The following ADAMTSL3 variants were observed in gnomAD, a reference collection of about 807,000 sequenced individuals.
The protein encoded by ADAMTSL3 is ADAMTS like 3, also known as ADAMTS-like protein 3.
In ADAMTSL3, 128 loss-of-function variants were observed where a neutral mutation model predicts 201.7. The observed-to-expected ratio is 0.63, with a 90% CI of 0.55 to 0.73. The LOEUF is 0.73. Among genes scored for constraint, ADAMTSL3 ranks in the 30% least tolerant of loss-of-function variants. ADAMTSL3 has a pLI of 0.00. For missense variants in ADAMTSL3, 1,990 were observed against 2,119.6 expected (o/e 0.94, Z 1.20); for synonymous variants, 738 against 748.4 (o/e 0.99, Z 0.23).
intron 23 of ADAMTSL3, among the ~76,000 whole-genome samples, chr15:84,003,427 G>A (rs1317342153): frequency 6.6e-6 from 1 of 152,122 alleles, no homozygotes; most frequent in Non-Finnish European, 1.5e-5. Context: ...TTGGACAGAA[G>A]CTCTTTCCTC....
intron 19 of ADAMTSL3, among the ~76,000 whole-genome samples, chr15:83,944,808 C>T (rs1343169374): frequency 2.0e-5 from 3 of 152,144 alleles, no homozygotes; most frequent in Non-Finnish European, 4.4e-5. Context: ...TCTGAGCTTC[C>T]GTTTACTTTC....
At position 83,892,795 on chromosome 15, in the gene ADAMTSL3, A is replaced by G; in HGVS notation, c.1374A>G (p.Glu458=). ...TGCATGGAGAGATATTGCAGGTGGA[A>G]GAATGGAAGTGCATGTACGCACCCA... ...ESMHGEILQV[E]EWKCMYAPKP... The change falls in exon 13 of 30, where the codon GAA becomes GAG. Residue 458 remains glutamate (E), a synonymous_variant. Coordinates refer to ENST00000286744, the MANE Select transcript of ADAMTSL3 (RefSeq NM_207517.3). 6.2e-7 allele frequency: 1 copy of G among 1,614,152 alleles called. No individual in the cohort carries two copies. Among genetic ancestry groups the G allele is most frequent in the Non-Finnish European group, 8.5e-7 (1 of 1,180,002 alleles).
intron 3 of ADAMTSL3, among the ~76,000 whole-genome samples, chr15:83,735,055 C>A (rs1596110986): frequency 6.6e-6 from 1 of 152,046 alleles, no homozygotes; most frequent in Admixed American, 6.6e-5. Flanking sequence ...TATCAGGCAG[C>A]CTCACTATGC....
intron 6 of ADAMTSL3, among the ~76,000 whole-genome samples, chr15:83,836,917 A>T (rs1035465417): frequency 3.3e-5 from 5 of 152,194 alleles, no homozygotes; most frequent in Non-Finnish European, 7.3e-5. Context: ...ATAAAGTTAG[A>T]TGAATATGGG....
At chr15:83,769,355 A>G (rs1567132626) in intron 3 of ADAMTSL3, among the ~76,000 whole-genome samples, 1 of 152,344 alleles carries the variant, frequency 6.6e-6, no homozygotes, top group Admixed American at 6.5e-5. Flanking sequence ...GGACTTACCC[A>G]ACCTAAAAGT....
intron 22 of ADAMTSL3, among the ~76,000 whole-genome samples, chr15:83,989,340 C>G (rs750147559): frequency 6.6e-6 from 1 of 152,192 alleles, no homozygotes; most frequent in Non-Finnish European, 1.5e-5. Context: ...GCATTTTCAA[C>G]ATGTGCCCAG....
intron 23 of ADAMTSL3, among the ~76,000 whole-genome samples, chr15:84,009,558 A>G (rs2141881694): frequency 6.6e-6 from 1 of 152,364 alleles, no homozygotes; most frequent in Middle Eastern, 3.4e-3. Context: ...TAGTGTTGGC[A>G]TAAAAAATAT....
chr15:83,813,442 A>G (rs2063727654), intron 5 of ADAMTSL3, among the ~76,000 whole-genome samples: 2 of 152,244 alleles, frequency 1.3e-5, no homozygotes, highest in South Asian at 4.1e-4. Context: ...TCACTCAAGA[A>G]AAGATCAAAT....
At chr15:83,992,406 C>A (rs573866265) in intron 23 of ADAMTSL3, among the ~76,000 whole-genome samples, 1 of 152,188 alleles carries the variant, frequency 6.6e-6, no homozygotes, top group East Asian at 1.9e-4. Context: ...AGGCTCCCAA[C>A]TGACTCCACC....
chr15:83,735,459 A>G (rs1469660604), intron 3 of ADAMTSL3, among the ~76,000 whole-genome samples: 1 of 152,212 alleles, frequency 6.6e-6, no homozygotes. Flanking sequence ...GAGGAACTTG[A>G]CTTTGAAAGG....
chr15:83,979,036 A>G (rs6603012), intron 20 of ADAMTSL3, among the ~76,000 whole-genome samples: 7,446 of 152,238 alleles, frequency 0.049, 618 homozygotes, highest in African/African-American at 0.17. Flanking sequence ...CATCACTGGA[A>G]CCCACTTTCC....
intron 7 of ADAMTSL3, among the ~76,000 whole-genome samples, chr15:83,857,780 A>T (rs1231455869): frequency 6.6e-6 from 1 of 152,216 alleles, no homozygotes; most frequent in Non-Finnish European, 1.5e-5. Flanking sequence ...CCTTTGCTTC[A>T]CTAATTTCAC....
intron 3 of ADAMTSL3, among the ~76,000 whole-genome samples, chr15:83,746,816 A>T (rs2062555137): frequency 6.6e-6 from 1 of 152,126 alleles, no homozygotes; most frequent in Non-Finnish European, 1.5e-5. Flanking sequence ...GTGAGCCATG[A>T]TTGTACCACT....
At chr15:83,782,795 C>A (rs946429839) in intron 4 of ADAMTSL3, among the ~76,000 whole-genome samples, 2 of 151,622 alleles carry the variant, frequency 1.3e-5, no homozygotes, top group African/African-American at 4.8e-5. Flanking sequence ...ACTTGGGTGA[C>A]AAAATAATCT....
At chr15:83,722,767 G>A (rs2062118682) in intron 3 of ADAMTSL3, among the ~76,000 whole-genome samples, 1 of 152,040 alleles carries the variant, frequency 6.6e-6, no homozygotes, top group South Asian at 2.1e-4. Flanking sequence ...TTTCAAAAAT[G>A]TAAACATTTA....
At chr15:83,966,348 C>T (rs979976507) in intron 19 of ADAMTSL3, among the ~76,000 whole-genome samples, 1 of 151,454 alleles carries the variant, frequency 6.6e-6, no homozygotes, top group Non-Finnish European at 1.5e-5. Flanking sequence ...ATGATAAAAT[C>T]ACCATTGATC....
intron 25 of ADAMTSL3, among the ~76,000 whole-genome samples, chr15:84,018,151 G>T (rs2068121624): frequency 6.6e-6 from 1 of 152,142 alleles, no homozygotes; most frequent in Admixed American, 6.5e-5. Context: ...TGAAGCCTTT[G>T]GAATAGTCAA....
chr15:83,932,194 A>G (rs1193849465), intron 17 of ADAMTSL3, among the ~76,000 whole-genome samples: 1 of 152,236 alleles, frequency 6.6e-6, no homozygotes, highest in African/African-American at 2.4e-5. Context: ...TATTATTTCA[A>G]GTATGTGACT....
rs76642450 is a variant in ADAMTSL3, at chr15:83,940,573, A to C, written c.2118-2023A>C. 2.6e-3 allele frequency among the ~76,000 whole-genome samples: 393 copies of C among 152,324 alleles called. 1 individual carries two copies. Among genetic ancestry groups the C allele is most frequent in the African/African-American group, 8.9e-3 (370 of 41,598 alleles). ...ACCCTAATTACCTCTCAAAGGTCCCATCTCTAAATACCATCATGCTGGGGT... is the reference window on the plus strand; with the variant it reads ...ACCCTAATTACCTCTCAAAGGTCCCCTCTCTAAATACCATCATGCTGGGGT... On this transcript the variant is annotated intron_variant, in intron 17 of 29. Coordinates refer to ENST00000286744, the MANE Select transcript of ADAMTSL3 (RefSeq NM_207517.3).
Sources: allele counts gnomAD v4.1 joint callset (sites outside exome capture counted in the v4.1 genomes callset), GRCh38; gene constraint gnomAD v4.1.1; transcripts MANE v1.5; gene names NCBI Gene and HGNC (gene_info 2026-07-23, HGNC 2026-07-21).